DACH1: variants seen among roughly 807,000 people sequenced by gnomAD.
DACH1 encodes the protein dachshund homolog 1.
In DACH1, 12 loss-of-function variants were observed where a neutral mutation model predicts 54.2. The observed-to-expected ratio is 0.22, with a 90% CI of 0.14 to 0.36. The LOEUF (loss-of-function observed/expected upper bound fraction) is 0.36. Ranked by LOEUF, DACH1 falls within the 10% of genes least tolerant of loss-of-function variation. The pLI is 1.00. For missense variants in DACH1, 805 were observed against 929.8 expected, an observed-to-expected ratio of 0.87 and a Z score of 1.75; for synonymous variants, 386 against 366.2, an observed-to-expected ratio of 1.05 and a Z score of -0.62.
intron 1 of DACH1, among the ~76,000 whole-genome samples, chr13:71,696,409 C>T (rs941991788): frequency 6.6e-6 from 1 of 152,152 alleles, no homozygotes; most frequent in Non-Finnish European, 1.5e-5. Context: ...TTGAATAAAT[C>T]ACAGACTGCT....
In DACH1 at chr13:71,489,133, G is replaced by C. The variant is rs1878783256; in HGVS notation, c.1586C>G (p.Ser529Cys). The C allele has an allele frequency of 1.2e-6, 2 of 1,613,354 alleles. No individual in the cohort carries two copies. Among genetic ancestry groups the C allele is most frequent in the Admixed American group, 3.3e-5 (2 of 59,952 alleles). The change falls in exon 7 of 11, where the codon TCT becomes TGT. Residue 529 changes from serine (S) to cysteine (C), a missense_variant. Physicochemically the swap from Ser to Cys is moderately radical, Grantham distance 112 (BLOSUM62 -1). Coordinates refer to ENST00000613252, the MANE Select transcript of DACH1 (RefSeq NM_080759.6). Reference protein sequence around the residue: ...MHIEKDETPLSTPTARDSLDK... With the variant: ...MHIEKDETPLCTPTARDSLDK... ...AAGGCTGTCTCTTGCGGTTGGTGTA[G>C]AAAGCGGGGTCTCATCTGCATGTGA...
chr13:71,857,668 T>C (rs952868041), intron 1 of DACH1, among the ~76,000 whole-genome samples: 3 of 151,756 alleles, frequency 2.0e-5, no homozygotes, highest in Admixed American at 6.6e-5. Flanking sequence ...TCATATAAAA[T>C]GTGTGACAGG....
chr13:71,628,422 C>T (rs1317228502), intron 3 of DACH1, among the ~76,000 whole-genome samples: 1 of 151,892 alleles, frequency 6.6e-6, no homozygotes, highest in Non-Finnish European at 1.5e-5. Flanking sequence ...TCTTTTTGCC[C>T]AAATCAGCTA....
intron 1 of DACH1, among the ~76,000 whole-genome samples, chr13:71,833,830 G>A (rs1888680447): frequency 6.6e-6 from 1 of 151,938 alleles, no homozygotes; most frequent in Admixed American, 6.6e-5. Flanking sequence ...GTAATCCCTA[G>A]TTTTGTCAAA....
At chr13:71,479,387 T>A in intron 7 of DACH1, 71 bp from the exon 8 acceptor site, 1 of 1,492,846 alleles carries the variant, frequency 6.7e-7, no homozygotes, top group Non-Finnish European at 9.1e-7. Context: ...CTTAAAAGCA[T>A]TTTCAAAGCA....
chr13:71,813,762 A>G (rs1242671198), intron 1 of DACH1, among the ~76,000 whole-genome samples: 2 of 152,168 alleles, frequency 1.3e-5, no homozygotes, highest in Middle Eastern at 3.2e-3. Flanking sequence ...AGGGATTGCC[A>G]TTTTTCAATA....
chr13:71,747,249 A>G (rs188041151), intron 1 of DACH1, among the ~76,000 whole-genome samples: 12 of 152,100 alleles, frequency 7.9e-5, no homozygotes, highest in African/African-American at 2.9e-4. Context: ...TGTAGTCCAC[A>G]CACTGTACAG....
At chr13:71,647,963 A>G (rs1053342935) in intron 2 of DACH1, among the ~76,000 whole-genome samples, 2 of 152,218 alleles carry the variant, frequency 1.3e-5, no homozygotes, top group African/African-American at 4.8e-5. Flanking sequence ...TATTCTCATA[A>G]TGAAAGTCTT....
At chr13:71,706,323 A>G (rs1327583848) in intron 1 of DACH1, among the ~76,000 whole-genome samples, 1 of 151,892 alleles carries the variant, frequency 6.6e-6, no homozygotes, top group South Asian at 2.1e-4. Flanking sequence ...ACTTAGTATT[A>G]ATTGAAATCT....
At chr13:71,790,266 A>G (rs1886780137) in intron 1 of DACH1, among the ~76,000 whole-genome samples, 1 of 152,154 alleles carries the variant, frequency 6.6e-6, no homozygotes, top group African/African-American at 2.4e-5. Context: ...TCGAACCTAT[A>G]TATACCTTTT....
At chr13:71,461,860 A>G (rs1325974293) in intron 10 of DACH1, among the ~76,000 whole-genome samples, 1 of 152,028 alleles carries the variant, frequency 6.6e-6, no homozygotes, top group Non-Finnish European at 1.5e-5. Context: ...AATTATTAAT[A>G]TAATATTGTT....
chr13:71,748,899 T>TTTCTTTCTTTCTTTCTTTCTTTCC lies in DACH1; in HGVS notation c.849-66990_849-66989insGGAAAGAAAGAAAGAAAGAAAGAA, dbSNP rs1352890579. On this transcript the variant is annotated intron_variant, in intron 1 of 10. Coordinates refer to ENST00000613252, the MANE Select transcript of DACH1 (RefSeq NM_080759.6). ...CTTTCTTTCTTTCTTTCTTTCTTTC[T>TTTCTTTCTTTCTTTCTTTCTTTCC]CTTTCTTTCTTTCTTTCTTTCTTTC... Among the ~76,000 whole-genome samples the TTTCTTTCTTTCTTTCTTTCTTTCC allele has an allele frequency of 3.9e-4, 6 of 15,394 alleles. 1 individual carries two copies. The highest frequency in any genetic ancestry group is 7.2e-4 in the African/African-American group (6 of 8,318). The allele number at this position is 15,394 out of a possible 152,430, so 10.1% of individuals were successfully genotyped here.
intron 2 of DACH1, among the ~76,000 whole-genome samples, chr13:71,635,809 C>T (rs1877448017): frequency 6.6e-6 from 1 of 152,058 alleles, no homozygotes; most frequent in Admixed American, 6.6e-5. Context: ...TTGAGAGAGT[C>T]TCACTCTGTC....
At chr13:71,824,582 A>G (rs1888311590) in intron 1 of DACH1, among the ~76,000 whole-genome samples, 1 of 151,982 alleles carries the variant, frequency 6.6e-6, no homozygotes, top group Admixed American at 6.6e-5. Context: ...GGAAGGGATG[A>G]TATTTAATTT....
intron 2 of DACH1, among the ~76,000 whole-genome samples, chr13:71,655,544 A>G (rs1879036756): frequency 6.6e-6 from 1 of 150,710 alleles, no homozygotes; most frequent in African/African-American, 2.4e-5. Context: ...CTAATTTTGT[A>G]TTTTTCAGGA....
At chr13:71,619,686 T>G (rs992424960) in intron 3 of DACH1, among the ~76,000 whole-genome samples, 17 of 151,988 alleles carry the variant, frequency 1.1e-4, no homozygotes, top group Non-Finnish European at 2.2e-4. Context: ...TTTATATTTG[T>G]ATTAAGTTAA....
intron 1 of DACH1, among the ~76,000 whole-genome samples, chr13:71,823,399 T>C (rs1888265842): frequency 6.6e-6 from 1 of 152,060 alleles, no homozygotes; most frequent in Non-Finnish European, 1.5e-5. Context: ...AATGGAACTT[T>C]AGAGAGCTAT....
intron 10 of DACH1, among the ~76,000 whole-genome samples, chr13:71,444,427 G>T (rs746000793): frequency 6.6e-6 from 1 of 151,576 alleles, no homozygotes; most frequent in Non-Finnish European, 1.5e-5. Context: ...TAAAAAATAC[G>T]CAATGTTTCC....
intron 1 of DACH1, among the ~76,000 whole-genome samples, chr13:71,744,002 C>A (rs1884507325): frequency 6.6e-6 from 1 of 152,030 alleles, no homozygotes; most frequent in Non-Finnish European, 1.5e-5. Flanking sequence ...TTCTCATGCC[C>A]AAACCTCAAT....
Sources: allele counts gnomAD v4.1 joint callset (sites outside exome capture counted in the v4.1 genomes callset), GRCh38; gene constraint gnomAD v4.1.1; transcripts MANE v1.5; gene names NCBI Gene and HGNC (gene_info 2026-07-23, HGNC 2026-07-21).